The following GFPT1 variants were observed in gnomAD, a reference collection of about 807,000 sequenced individuals.
The protein encoded by GFPT1 is glutamine--fructose-6-phosphate transaminase 1, also known as glutamine--fructose-6-phosphate aminotransferase [isomerizing] 1.
Under a neutral mutation model 92.0 loss-of-function variants are expected in GFPT1, and 40 were observed. That is an observed-to-expected ratio of 0.43 (90% CI 0.34 to 0.57). The LOEUF (loss-of-function observed/expected upper bound fraction) is 0.57. Ranked by LOEUF, GFPT1 falls within the 20% of genes least tolerant of loss-of-function variation. GFPT1 has a pLI of 0.02. For missense variants in GFPT1, 448 were observed against 869.1 expected (o/e 0.52, Z 6.09); for synonymous variants, 269 against 280.6 (o/e 0.96, Z 0.41).
rs189477866 is a variant in GFPT1 at position 69,379,195 on chromosome 2, T to C, written c.8-5082A>G. Among the ~76,000 whole-genome samples the C allele has an allele frequency of 3.6e-3, 551 of 152,314 alleles. 2 individuals carry two copies. Among genetic ancestry groups the C allele is most frequent in the Non-Finnish European group, 5.9e-3 (399 of 68,026 alleles). On this transcript the variant is annotated intron_variant, in intron 1 of 19. Transcript: ENST00000357308. ...CAACCCCTTTCTCAGAGATAACTAC[T>C]GTTATTCCCATACACACACTCCCAG...
chr2:69,369,805 T>G (rs574611988), intron 3 of GFPT1, among the ~76,000 whole-genome samples, 196 bp downstream of exon 3: 3 of 152,330 alleles, frequency 2.0e-5, no homozygotes, highest in African/African-American at 7.2e-5. Context: ...GCAATGATTA[T>G]TTTTCAGGCT....
chr2:69,386,954 A>G, intron 1 of GFPT1, 111 bp downstream of exon 1: 1 of 881,488 alleles, frequency 1.1e-6, no homozygotes, highest in East Asian at 2.7e-5. Context: ...CATCACCCAG[A>G]CTTCGCACCC....
intron 12 of GFPT1, among the ~76,000 whole-genome samples, chr2:69,345,592 T>C (rs533096661): frequency 3.3e-5 from 5 of 152,178 alleles, no homozygotes; most frequent in Non-Finnish European, 7.3e-5. Flanking sequence ...ATCACTACAA[T>C]CCATTTCTGT....
chr2:69,363,406 A>G (rs1671523210), intron 4 of GFPT1, 139 bp downstream of exon 4: 2 of 892,960 alleles, frequency 2.2e-6, no homozygotes, highest in Middle Eastern at 2.6e-4. Flanking sequence ...TCTCAGCTCC[A>G]TATGCTCTCT....
chr2:69,383,312 A>C (rs1019682462), intron 1 of GFPT1, among the ~76,000 whole-genome samples: 2 of 152,214 alleles, frequency 1.3e-5, no homozygotes, highest in South Asian at 2.1e-4. Context: ...CCCGCCTTCT[A>C]CTGCTCATTA....
In GFPT1 at chr2:69,321,846, TG is replaced by T; in HGVS notation, c.*4342del. ...AGATGTTCTCGCTAGCCATTATTTA[TG>T]GTAATTACATAACATTTTGATGTCA... is the stretch of plus-strand genomic sequence containing the variant. On this transcript the variant is annotated 3_prime_UTR_variant, in exon 20 of 20. Transcript: ENST00000357308. The T allele has an allele frequency of 6.6e-6, 1 of 152,332 alleles. No individual in the cohort carries two copies. Among genetic ancestry groups the T allele is most frequent in the East Asian group, 1.9e-4 (1 of 5,170 alleles). The allele number at this position is 152,332 out of a possible 1,614,324, so 9.4% of individuals were successfully genotyped here. A position where few individuals can be genotyped will look rare whatever the true frequency, so the allele number is the denominator to read the frequency against.
chr2:69,332,434 A>AC (rs1487155928), intron 15 of GFPT1, among the ~76,000 whole-genome samples: 1 of 149,330 alleles, frequency 6.7e-6, no homozygotes, highest in Non-Finnish European at 1.5e-5. Context: ...TGCTTCAGCC[A>AC]CCCCAAGTAG....
At chr2:69,341,495 C>CT in intron 13 of GFPT1, among the ~76,000 whole-genome samples, 1 of 152,190 alleles carries the variant, frequency 6.6e-6, no homozygotes, top group South Asian at 2.1e-4. Flanking sequence ...GAAGTCAATC[C>CT]TAAAAGCAGA....
rs770856462 is a variant in GFPT1 at position 69,358,385 on chromosome 2, G to T, written c.487C>A (p.Arg163=). The T allele has an allele frequency of 6.2e-7, 1 of 1,610,722 alleles. No homozygotes were observed. Residue 163 remains arginine, a synonymous_variant, in exon 6 of 20, where the codon CGG becomes AGG. Transcript: ENST00000357308. The part of the protein sequence containing the change: ...AKLVKYMYDN[R]ESQDTSFTTL... Reference sequence around the variant, plus strand: ...GTAAAGCTGGTATCTTGACTTTCCCGATTGTCATACATATACTTAACGAGC... The same window carrying T: ...GTAAAGCTGGTATCTTGACTTTCCCTATTGTCATACATATACTTAACGAGC...
rs375402384 is a variant in GFPT1, at chr2:69,346,826, C to T, written c.1010-827G>A. Among the ~76,000 whole-genome samples the T allele has an allele frequency of 2.2e-4, 34 of 151,988 alleles. 2 individuals are homozygous for T. The East Asian group carries it at 5.2e-3, about 23-fold the overall frequency. On this transcript the variant is annotated intron_variant, in intron 11 of 19. Coordinates refer to ENST00000357308, the MANE Select transcript of GFPT1 (RefSeq NM_001244710.2). ...CTCACTGCAGCCTCAATCTCCTGGG[C>T]TCAAGCAATTCTCACACCTCAGCCA...
At position 69,319,986 on chromosome 2, in the gene GFPT1, G is replaced by A. The variant is rs1261521989; in HGVS notation, c.*6203C>T. 6.6e-6 allele frequency: 1 copy of A among 152,170 alleles called. No homozygotes were observed. Among genetic ancestry groups the A allele is most frequent in the Non-Finnish European group, 1.5e-5 (1 of 68,036 alleles). 9.4% of individuals were successfully genotyped at this position (152,170 alleles called of 1,614,324 possible). On this transcript the variant is annotated 3_prime_UTR_variant, in exon 20 of 20. Transcript: ENST00000357308. ...AATGCAACGTTATTTCTCTTGCCTA[G>A]AAGCTAAAGCCTTAATTGTCTCAGA...
chr2:69,329,431 A>G lies in GFPT1; in HGVS notation c.1598-7T>C, dbSNP rs1670606711. 2 of 1,595,436 alleles carry G rather than the reference A, an allele frequency of 1.3e-6. No homozygotes were observed. Among genetic ancestry groups the G allele is most frequent in the East Asian group, 4.5e-5 (2 of 44,738 alleles). ...AGTACTTCCTTAATCAAATCTAAGA[A>G]GTAATATTAGCAAAAAAGGACAATA... On this transcript the variant is annotated splice_region_variant and splice_polypyrimidine_tract_variant and intron_variant, in intron 16 of 19. Coordinates refer to ENST00000357308, the MANE Select transcript of GFPT1 (RefSeq NM_001244710.2).
chr2:69,367,580 C>G (rs1168059131), intron 3 of GFPT1, among the ~76,000 whole-genome samples: 1 of 152,160 alleles, frequency 6.6e-6, no homozygotes, highest in East Asian at 1.9e-4. Context: ...AGGCTGGTCT[C>G]AAACACCAGA....
intron 1 of GFPT1, among the ~76,000 whole-genome samples, chr2:69,378,174 T>C (rs573114973): frequency 2.2e-3 from 339 of 152,294 alleles, no homozygotes; most frequent in African/African-American, 7.9e-3. Flanking sequence ...CCGGCTAATT[T>C]TTTGTATTTT....
At chr2:69,353,194 A>G (rs1261553086) in intron 9 of GFPT1, among the ~76,000 whole-genome samples, 1 of 152,108 alleles carries the variant, frequency 6.6e-6, no homozygotes, top group African/African-American at 2.4e-5. Flanking sequence ...CCAGGAGTTC[A>G]AGAACAGCCT....
intron 13 of GFPT1, among the ~76,000 whole-genome samples, chr2:69,338,944 C>T (rs1670869561): frequency 6.6e-6 from 1 of 151,948 alleles, no homozygotes; most frequent in African/African-American, 2.4e-5. Flanking sequence ...GGACTATAGG[C>T]GTGCGCCACC....
chr2:69,337,739 T>C (rs887928424), intron 15 of GFPT1, among the ~76,000 whole-genome samples, 159 bp downstream of exon 15: 3 of 152,192 alleles, frequency 2.0e-5, no homozygotes, highest in African/African-American at 4.8e-5. Context: ...ATAATTACAA[T>C]GATTAGTAAA....
intron 15 of GFPT1, among the ~76,000 whole-genome samples, chr2:69,337,300 A>C (rs1670825134): frequency 6.6e-6 from 1 of 151,946 alleles, no homozygotes; most frequent in South Asian, 2.1e-4. Flanking sequence ...CCTGAGCTCA[A>C]ATGATCCGCC....
At position 69,321,150 on chromosome 2, in the gene GFPT1, C is replaced by T. The variant is rs1210236397; in HGVS notation, c.*5039G>A. On this transcript the variant is annotated 3_prime_UTR_variant, in exon 20 of 20. Transcript: ENST00000357308. Reference sequence around the variant, plus strand: ...TTAAATATTATCCTTTCTTTTGCAACTATCAATTCACTTAAAAGTTTTAAT... The same window carrying T: ...TTAAATATTATCCTTTCTTTTGCAATTATCAATTCACTTAAAAGTTTTAAT... 3.9e-5 allele frequency: 6 copies of T among 152,220 alleles called. No individual in the cohort carries two copies. Among genetic ancestry groups the T allele is most frequent in the South Asian group, 4.1e-4 (2 of 4,832 alleles). The allele number at this position is 152,220 out of a possible 1,614,324, so 9.4% of individuals were successfully genotyped here. A position where few individuals can be genotyped will look rare whatever the true frequency, so the allele number is the denominator to read the frequency against.
Sources: gnomAD v4.1 joint callset for allele counts (sites outside exome capture counted in the v4.1 genomes callset) on GRCh38, gnomAD v4.1.1 for gene constraint, MANE v1.5 for transcripts, NCBI Gene and HGNC (gene_info 2026-07-23, HGNC 2026-07-21) for gene names.